CCDC88C: variants seen among roughly 807,000 people sequenced by gnomAD.
The protein encoded by CCDC88C is protein Daple.
In CCDC88C, 131 loss-of-function variants were observed where a neutral mutation model predicts 198.8. That is an observed-to-expected ratio of 0.66 (90% CI 0.57 to 0.76). CCDC88C has a LOEUF of 0.76. Among genes scored for constraint, CCDC88C ranks in the 30% least tolerant of loss-of-function variants. The pLI, the probability that CCDC88C is intolerant of heterozygous loss-of-function variation, is 0.00. For synonymous variants in CCDC88C, 1,166 were observed against 1,114.7 expected (o/e 1.05, Z -0.92); for missense variants, 2,553 against 2,631.6 (o/e 0.97, Z 0.65).
chr14:91,399,331 C>G (rs1328633674), intron 3 of CCDC88C, among the ~76,000 whole-genome samples: 1 of 152,156 alleles, frequency 6.6e-6, no homozygotes, highest in African/African-American at 2.4e-5. Context: ...AGCACCAACG[C>G]CCCAACCCCA....
intron 10 of CCDC88C, among the ~76,000 whole-genome samples, chr14:91,333,779 G>T (rs1299211448): frequency 1.3e-5 from 2 of 152,224 alleles, no homozygotes; most frequent in Admixed American, 6.5e-5. Context: ...CCAGGAATCT[G>T]CATTTTAAAC....
chr14:91,400,421 T>G (rs1886104957), intron 3 of CCDC88C, among the ~76,000 whole-genome samples: 1 of 152,110 alleles, frequency 6.6e-6, no homozygotes, highest in South Asian at 2.1e-4. Context: ...CTGCAAACCT[T>G]CACATGGAAG....
At position 91,313,431 on chromosome 14, in the gene CCDC88C, C is replaced by T. The variant is rs1278478370; in HGVS notation, c.2385G>A (p.Glu795=). Reference sequence around the variant, plus strand: ...CCAGGTCCCGCCGCAGCGCCTGGCGCTCAGCCTCCAGCTCGCCCAGCTCAC... The same window carrying T: ...CCAGGTCCCGCCGCAGCGCCTGGCGTTCAGCCTCCAGCTCGCCCAGCTCAC... ...LESELGELEA[E]RQALRRDLEA... Residue 795 remains glutamate (E), a synonymous_variant, in exon 15 of 30, where the codon GAG becomes GAA. Transcript: ENST00000389857. The surrounding 1 kb of genome is among the most constrained non-coding windows in gnomAD (Gnocchi z 5.2). 1 of 1,607,542 alleles carries T rather than the reference C, an allele frequency of 6.2e-7. No homozygotes were observed. Among genetic ancestry groups the T allele is most frequent in the East Asian group, 2.2e-5 (1 of 44,880 alleles).
Position 91,308,559 on chromosome 14 carries a change from G to A in CCDC88C, c.2865-67C>T, listed in dbSNP as rs185925012. ...CTCTCCGCAAGTTCCCAGTGTCCTCGCTGCCAACACATCACTCCTTCCATT... is the reference window on the plus strand; with the variant it reads ...CTCTCCGCAAGTTCCCAGTGTCCTCACTGCCAACACATCACTCCTTCCATT... On this transcript the variant is annotated intron_variant, in intron 16 of 29. Transcript: ENST00000389857. The A allele has an allele frequency of 4.0e-4, 590 of 1,487,146 alleles. No individual in the cohort carries two copies. In the African/African-American group the frequency reaches 7.7e-3, roughly 19 times the overall value. The allele number at this position is 1,487,146 out of a possible 1,614,324, so 92.1% of individuals were successfully genotyped here.
intron 18 of CCDC88C, 39 bp from the exon 19 acceptor site, chr14:91,305,965 T>C (rs10147712): frequency 6.3e-7 from 1 of 1,598,230 alleles, no homozygotes; most frequent in Non-Finnish European, 8.5e-7. Flanking sequence ...AAACTCCAAC[T>C]GGGTAAATGC....
rs1208640697 is a variant in CCDC88C at position 91,303,824 on chromosome 14, T to C, written c.3512A>G (p.His1171Arg). Residue 1171 changes from histidine to arginine, a missense_variant, in exon 20 of 30, where the codon CAC (histidine) becomes CGC (arginine). By Grantham distance (29) the His-to-Arg change is conservative. This residue lies in a region of CCDC88C where 1,293 missense variants were observed against 1,219.6 expected (regional missense o/e 1.06). Transcript: ENST00000389857. ...TAAYEALLQD[H>R]EHLGTLHERQ... ...CTCGTGCAGCGTGCCCAGGTGCTCGTGGTCCTGCAGCAGGGCCTCGTAGGC... is the reference window on the plus strand; with the variant it reads ...CTCGTGCAGCGTGCCCAGGTGCTCGCGGTCCTGCAGCAGGGCCTCGTAGGC... 1 of 1,613,348 alleles carries C rather than the reference T, an allele frequency of 6.2e-7. No homozygotes were observed. The highest frequency in any genetic ancestry group is 1.7e-5 in the Admixed American group (1 of 60,028).
At chr14:91,276,401 G>A (rs1325426024) in intron 29 of CCDC88C, among the ~76,000 whole-genome samples, 1 of 152,250 alleles carries the variant, frequency 6.6e-6, no homozygotes, top group Non-Finnish European at 1.5e-5. Context: ...TTGGGAAAGA[G>A]AAATGTTTAA....
rs1890093084 is a variant in CCDC88C at position 91,279,116 on chromosome 14, T to G, written c.4768+122A>C. 3 of 772,896 alleles carry G rather than the reference T, an allele frequency of 3.9e-6. No homozygotes were observed. The East Asian group carries it at 8.3e-5, about 21-fold the overall frequency. The allele number at this position is 772,896 out of a possible 1,614,324, so 47.9% of individuals were successfully genotyped here. A position where few individuals can be genotyped will look rare whatever the true frequency, so the allele number is the denominator to read the frequency against. On this transcript the variant is annotated intron_variant, in intron 28 of 29. Coordinates refer to ENST00000389857, the MANE Select transcript of CCDC88C (RefSeq NM_001080414.4). Reference sequence around the variant, plus strand: ...GGTTTCGCCATGTTTCCCAGGCTGGTTTCTAACTCCTGGGCTCAAGCGATC... The same window carrying G: ...GGTTTCGCCATGTTTCCCAGGCTGGGTTCTAACTCCTGGGCTCAAGCGATC...
At chr14:91,308,824 G>T (rs1016838044) in intron 16 of CCDC88C, among the ~76,000 whole-genome samples, 1 of 152,202 alleles carries the variant, frequency 6.6e-6, no homozygotes, top group African/African-American at 2.4e-5. Context: ...ACAGTGCTAG[G>T]TTAAGTGGTA....
intron 15 of CCDC88C, among the ~76,000 whole-genome samples, chr14:91,311,046 G>T (rs746229900): frequency 1.8e-4 from 27 of 152,202 alleles, no homozygotes; most frequent in Non-Finnish European, 3.8e-4. Flanking sequence ...GTGACATTCA[G>T]CTGCCCTTTC....
intron 23 of CCDC88C, among the ~76,000 whole-genome samples, 194 bp from the exon 24 acceptor site, chr14:91,291,278 G>A (rs1890647133): frequency 1.3e-5 from 2 of 152,216 alleles, no homozygotes; most frequent in Non-Finnish European, 2.9e-5. Context: ...GGTTCAGGGA[G>A]CTCTATGACC....
At chr14:91,408,791 G>C (rs1483234752) in intron 2 of CCDC88C, 24 bp from the exon 3 acceptor site, 3 of 1,508,490 alleles carry the variant, frequency 2.0e-6, no homozygotes, top group East Asian at 4.5e-5. Context: ...CACGAGAATG[G>C]AAATTGCATC....
rs986968979 is a variant in CCDC88C, at chr14:91,272,984, T to A, written c.5728A>T (p.Thr1910Ser). 17 of 1,557,046 alleles carry A rather than the reference T, an allele frequency of 1.1e-5. No individual in the cohort carries two copies. The highest frequency in any genetic ancestry group is 1.4e-5 in the Non-Finnish European group (16 of 1,157,020). Reference sequence around the variant, plus strand: ...GCAGCAGCAGCACCAGCACCTGCAGTGGCAATGGCGGGGGCTGTGGCAGAC... The same window carrying A: ...GCAGCAGCAGCACCAGCACCTGCAGAGGCAATGGCGGGGGCTGTGGCAGAC... ...HQSATAPAIATAGAGAAAAGS... is the reference protein window; with the variant it reads ...HQSATAPAIASAGAGAAAAGS... The change falls in exon 30 of 30, where the codon ACT becomes TCT. Residue 1910 changes from threonine to serine, a missense_variant. Transcript: ENST00000389857.
chr14:91,389,541 G>A (rs866770243), intron 3 of CCDC88C, among the ~76,000 whole-genome samples: 1 of 152,124 alleles, frequency 6.6e-6, no homozygotes, highest in Non-Finnish European at 1.5e-5. Context: ...GGGCTTAAGA[G>A]GAATTGCTTT....
At chr14:91,391,754 G>A (rs1885518902) in intron 3 of CCDC88C, among the ~76,000 whole-genome samples, 1 of 152,128 alleles carries the variant, frequency 6.6e-6, no homozygotes, top group South Asian at 2.1e-4. Context: ...ACTCCAGCCT[G>A]GGTGACAGAG....
chr14:91,370,691 A>G (rs1894752361), intron 3 of CCDC88C, among the ~76,000 whole-genome samples: 1 of 152,126 alleles, frequency 6.6e-6, no homozygotes, highest in Non-Finnish European at 1.5e-5. Context: ...GACCTGCTGC[A>G]GTGATGCCTC....
At chr14:91,294,103 G>A in intron 23 of CCDC88C, 70 bp downstream of exon 23, 1 of 1,576,742 alleles carries the variant, frequency 6.3e-7, no homozygotes. Context: ...GGGAAGCCAG[G>A]ACCTCCAGAG....
rs1010270955 is a variant in CCDC88C, at chr14:91,377,545, G to GC, written c.271-17835dup. On this transcript the variant is annotated intron_variant, in intron 3 of 29. Coordinates refer to ENST00000389857, the MANE Select transcript of CCDC88C (RefSeq NM_001080414.4). ...CCAGATCTCTTGCTAAATGCAGATG[G>GC]CCCCCCCCCGGTGCCACTTCAAGGT... 3.3e-3 allele frequency among the ~76,000 whole-genome samples: 490 copies of GC among 149,972 alleles called. 1 individual carries two copies. Among genetic ancestry groups the GC allele is most frequent in the Middle Eastern group, 6.9e-3 (2 of 290 alleles).
intron 17 of CCDC88C, 31 bp downstream of exon 17, chr14:91,308,320 C>T: frequency 1.2e-6 from 2 of 1,611,122 alleles, no homozygotes; most frequent in Non-Finnish European, 1.7e-6. Context: ...GAATGGGCAG[C>T]TGGGCCCCAC....
Sources: allele counts gnomAD v4.1 joint callset (sites outside exome capture counted in the v4.1 genomes callset), GRCh38; gene constraint gnomAD v4.1.1; regional missense constraint gnomAD v4.1.1; non-coding constraint Gnocchi (gnomAD v3.1); transcripts MANE v1.5; gene names NCBI Gene and HGNC (gene_info 2026-07-23, HGNC 2026-07-21).